The following TRPC4AP variants were observed in gnomAD, a reference collection of about 807,000 sequenced individuals.
The protein encoded by TRPC4AP is short transient receptor potential channel 4-associated protein.
Under a neutral mutation model 99.0 loss-of-function variants are expected in TRPC4AP, and 45 were observed. The observed-to-expected ratio is 0.45, with a 90% CI of 0.36 to 0.58. TRPC4AP has a LOEUF of 0.58. Ranked by LOEUF, TRPC4AP falls within the 20% of genes least tolerant of loss-of-function variation. TRPC4AP has a pLI of 0.00. For missense variants in TRPC4AP, 879 were observed against 985.3 expected (o/e 0.89, Z 1.44); for synonymous variants, 408 against 385.8 (o/e 1.06, Z -0.67).
intron 2 of TRPC4AP, among the ~76,000 whole-genome samples, chr20:35,071,045 T>C (rs1395074862): frequency 6.6e-6 from 1 of 152,230 alleles, no homozygotes; most frequent in Non-Finnish European, 1.5e-5. Context: ...GTGCAACTCT[T>C]TGAAAAGCAT....
At chr20:35,062,497 A>T (rs1439763829) in intron 3 of TRPC4AP, among the ~76,000 whole-genome samples, 1 of 152,242 alleles carries the variant, frequency 6.6e-6, no homozygotes. Context: ...TTTCTTGACA[A>T]TAAAAAGGAA....
At chr20:35,046,647 G>T (rs966773009) in intron 6 of TRPC4AP, among the ~76,000 whole-genome samples, 1 of 152,122 alleles carries the variant, frequency 6.6e-6, no homozygotes. Flanking sequence ...TCTATTTCTA[G>T]TAATGGAGGA....
In TRPC4AP at chr20:35,046,875, A is replaced by AT. The variant is rs561842976; in HGVS notation, c.658-2164dup. 1.3e-3 allele frequency among the ~76,000 whole-genome samples: 197 copies of AT among 147,842 alleles called. 1 individual carries two copies. The highest frequency in any genetic ancestry group is 6.9e-3 in the Middle Eastern group (2 of 290). ...TTTTTGTTTTGTCTTAAATTTTAAG[A>AT]TTTTTTTTTTTAAGGCGGAGTCTCA... On this transcript the variant is annotated intron_variant, in intron 6 of 18. Transcript: ENST00000252015.
At chr20:35,060,168 G>A (rs887905789) in intron 3 of TRPC4AP, among the ~76,000 whole-genome samples, 9 of 152,246 alleles carry the variant, frequency 5.9e-5, no homozygotes, top group African/African-American at 2.2e-4. Context: ...CTCATTCTTT[G>A]AGGCGAGTAT....
intron 1 of TRPC4AP, among the ~76,000 whole-genome samples, chr20:35,087,960 G>C (rs570718895): frequency 6.6e-6 from 1 of 152,118 alleles, no homozygotes; most frequent in Non-Finnish European, 1.5e-5. Flanking sequence ...TTTGGCTTTC[G>C]ACATACTAAG....
intron 5 of TRPC4AP, among the ~76,000 whole-genome samples, chr20:35,051,464 C>T (rs1235406864): frequency 1.3e-5 from 2 of 152,042 alleles, no homozygotes; most frequent in African/African-American, 4.8e-5. Context: ...TGCACCACCG[C>T]ACCTGGCAAA....
At chr20:35,063,530 A>C (rs1485389392) in intron 3 of TRPC4AP, among the ~76,000 whole-genome samples, 1 of 152,180 alleles carries the variant, frequency 6.6e-6, no homozygotes, top group East Asian at 1.9e-4. Flanking sequence ...GGGTGGTTAC[A>C]AGAATTAACT....
At chr20:35,004,322 T>G in intron 17 of TRPC4AP, 136 bp downstream of exon 17, 1 of 741,630 alleles carries the variant, frequency 1.3e-6, no homozygotes, top group African/African-American at 1.7e-5. Flanking sequence ...TGATTCCTCC[T>G]GAGCACAGTC....
At chr20:35,074,027 T>C (rs2084399276) in intron 2 of TRPC4AP, among the ~76,000 whole-genome samples, 1 of 152,248 alleles carries the variant, frequency 6.6e-6, no homozygotes, top group African/African-American at 2.4e-5. Context: ...CAGGAATTTA[T>C]CCATTTCTTC....
intron 8 of TRPC4AP, among the ~76,000 whole-genome samples, chr20:35,022,304 T>C (rs184319498): frequency 0.018 from 2,783 of 152,238 alleles, 43 homozygotes; most frequent in East Asian, 0.028. Context: ...TACAGGCATG[T>C]GCCACCACGC....
chr20:35,013,526 C>T (rs918502728), intron 10 of TRPC4AP, among the ~76,000 whole-genome samples: 5 of 152,048 alleles, frequency 3.3e-5, no homozygotes, highest in African/African-American at 7.2e-5. Context: ...TGCAGTGAGC[C>T]GAGATCGCAC....
chr20:35,018,689 A>T (rs1310949242), intron 9 of TRPC4AP, among the ~76,000 whole-genome samples: 1 of 152,012 alleles, frequency 6.6e-6, no homozygotes, highest in South Asian at 2.1e-4. Flanking sequence ...TACTTGTAGA[A>T]TGCATTATTC....
intron 8 of TRPC4AP, among the ~76,000 whole-genome samples, chr20:35,024,129 ACTTT>A (rs1203208080): frequency 1.2e-5 from 1 of 85,328 alleles, no homozygotes; most frequent in Non-Finnish European, 2.6e-5. Context: ...ATGCACACTC[ACTTT>A]TTTTTTTTTT....
At chr20:35,040,361 G>A (rs1023684779) in intron 7 of TRPC4AP, among the ~76,000 whole-genome samples, 3 of 152,242 alleles carry the variant, frequency 2.0e-5, no homozygotes, top group South Asian at 2.1e-4. Context: ...AGTGGGAGGC[G>A]ATGGAGGAAA....
At chr20:35,044,265 C>A (rs2083504718) in intron 7 of TRPC4AP, among the ~76,000 whole-genome samples, 1 of 151,322 alleles carries the variant, frequency 6.6e-6, no homozygotes, top group East Asian at 1.9e-4. Context: ...GTGGCACCTG[C>A]CTATAGTTCC....
chr20:35,064,451 T>C (rs938775309), intron 3 of TRPC4AP, among the ~76,000 whole-genome samples: 2 of 152,258 alleles, frequency 1.3e-5, no homozygotes, highest in Admixed American at 6.5e-5. Flanking sequence ...TGCCATGAGA[T>C]TGCTCGTGGC....
Position 35,007,583 on chromosome 20 carries a change from G to A in TRPC4AP, c.1653C>T (p.Asp551=), listed in dbSNP as rs2082541217. 1 of 1,614,188 alleles carries A rather than the reference G, an allele frequency of 6.2e-7. No homozygotes were observed. The highest frequency in any genetic ancestry group is 8.5e-7 in the Non-Finnish European group (1 of 1,180,040). The part of the protein sequence containing the change: ...SFLRGTTSYA[D]QMFLLKRGLL... Reference sequence around the variant, plus strand: ...GGCCTCGCTTCAGCAGGAACATCTGGTCTGCATAGGAGGTGGTCCCTCGGA... The same window carrying A: ...GGCCTCGCTTCAGCAGGAACATCTGATCTGCATAGGAGGTGGTCCCTCGGA... The change falls in exon 14 of 19, where the codon GAC becomes GAT. Residue 551 remains aspartate (D), a synonymous_variant. Transcript: ENST00000252015.
At chr20:35,035,052 A>G in intron 8 of TRPC4AP, 71 bp downstream of exon 8, 1 of 1,477,434 alleles carries the variant, frequency 6.8e-7, no homozygotes, top group African/African-American at 1.4e-5. Flanking sequence ...CTTCTTGGAA[A>G]GAAGAGCAAG....
At chr20:35,022,300 CAT>C (rs2082909302) in intron 8 of TRPC4AP, among the ~76,000 whole-genome samples, 1 of 152,222 alleles carries the variant, frequency 6.6e-6, no homozygotes, top group Non-Finnish European at 1.5e-5. Context: ...GGACTACAGG[CAT>C]GTGCCACCAC....
Sources: gnomAD v4.1 joint callset for allele counts (sites outside exome capture counted in the v4.1 genomes callset) on GRCh38, gnomAD v4.1.1 for gene constraint, MANE v1.5 for transcripts, NCBI Gene and HGNC (gene_info 2026-07-23, HGNC 2026-07-21) for gene names.